HS2ST1: variants seen among roughly 807,000 people sequenced by gnomAD.
HS2ST1 encodes heparan sulfate 2-O-sulfotransferase 1.
In HS2ST1, 18 loss-of-function variants were observed where a neutral mutation model predicts 42.9. The observed-to-expected ratio is 0.42, with a 90% CI of 0.29 to 0.62. The LOEUF (loss-of-function observed/expected upper bound fraction) is 0.62. Among genes scored for constraint, HS2ST1 ranks in the 20% least tolerant of loss-of-function variants. The pLI is 0.21. For synonymous variants in HS2ST1, 146 were observed against 152.9 expected (o/e 0.95, Z 0.33); for missense variants, 334 against 433.8 (o/e 0.77, Z 2.04).
At chr1:86,968,881 TTC>T (rs1285123812) in intron 1 of HS2ST1, among the ~76,000 whole-genome samples, 1 of 152,254 alleles carries the variant, frequency 6.6e-6, no homozygotes, top group South Asian at 2.1e-4. Context: ...ACTAATTTTA[TTC>T]TCTCATATTT....
intron 1 of HS2ST1, among the ~76,000 whole-genome samples, chr1:86,922,250 A>T (rs1214934629): frequency 6.6e-6 from 1 of 151,310 alleles, no homozygotes; most frequent in Non-Finnish European, 1.5e-5. Flanking sequence ...TTAATATATT[A>T]CCACTTTTTT....
intron 1 of HS2ST1, among the ~76,000 whole-genome samples, chr1:86,930,104 T>C (rs952199347): frequency 2.9e-5 from 4 of 138,954 alleles, no homozygotes; most frequent in Non-Finnish European, 6.2e-5. Context: ...TTTTATCATA[T>C]ATATTGCTGC....
At chr1:86,918,370 T>C (rs1193197014) in intron 1 of HS2ST1, among the ~76,000 whole-genome samples, 2 of 152,192 alleles carry the variant, frequency 1.3e-5, no homozygotes, top group Non-Finnish European at 2.9e-5. Flanking sequence ...TTACTCATTC[T>C]ATTAATAATA....
In HS2ST1 at chr1:87,016,150, C is replaced by T. The variant is rs138013574; in HGVS notation, c.125-56784C>T. Among the ~76,000 whole-genome samples the T allele has an allele frequency of 5.1e-3, 771 of 152,212 alleles. 3 individuals carry two copies. Among genetic ancestry groups the T allele is most frequent in the Non-Finnish European group, 8.7e-3 (594 of 68,006 alleles). On this transcript the variant is annotated intron_variant, in intron 1 of 6. Coordinates refer to ENST00000370550, the MANE Select transcript of HS2ST1 (RefSeq NM_012262.4). ...TTCTTAATGAGAATGAAGGGGTTTT[C>T]GTGTTGTTGTGTGTTTGCTTGTTTG...
At chr1:87,010,080 C>T (rs1255446988) in intron 1 of HS2ST1, among the ~76,000 whole-genome samples, 1 of 151,748 alleles carries the variant, frequency 6.6e-6, no homozygotes. Flanking sequence ...AAACAAACTT[C>T]TGCTAGAAAC....
intron 1 of HS2ST1, chr1:87,044,912 G>A (rs1650608930): frequency 6.7e-7 from 1 of 1,496,448 alleles, no homozygotes; most frequent in Non-Finnish European, 9.0e-7. Context: ...AGAGGGCTCT[G>A]TTTAGAGGCA....
At chr1:86,926,363 T>C (rs984653399) in intron 1 of HS2ST1, among the ~76,000 whole-genome samples, 1 of 152,212 alleles carries the variant, frequency 6.6e-6, no homozygotes, top group Non-Finnish European at 1.5e-5. Context: ...TCAGCCGCCT[T>C]GTCTTTCCTA....
intron 1 of HS2ST1, among the ~76,000 whole-genome samples, chr1:86,942,837 G>T (rs1481018472): frequency 6.6e-6 from 1 of 152,094 alleles, no homozygotes; most frequent in Non-Finnish European, 1.5e-5. Flanking sequence ...CCCCAAATTA[G>T]CTTTGTGTCT....
chr1:87,032,409 A>C (rs1267391712), intron 1 of HS2ST1, among the ~76,000 whole-genome samples: 5 of 152,150 alleles, frequency 3.3e-5, no homozygotes, highest in Admixed American at 2.6e-4. Context: ...TTAAAGGACG[A>C]AAAAGAGACC....
chr1:87,011,983 G>A (rs548443326), intron 1 of HS2ST1, among the ~76,000 whole-genome samples: 6 of 152,300 alleles, frequency 3.9e-5, no homozygotes, highest in African/African-American at 1.2e-4. Flanking sequence ...GCATAGTAAC[G>A]TAATTATCAA....
At chr1:86,939,996 G>A (rs1300691429) in intron 1 of HS2ST1, among the ~76,000 whole-genome samples, 1 of 152,138 alleles carries the variant, frequency 6.6e-6, no homozygotes, top group Non-Finnish European at 1.5e-5. Context: ...ACTATTTACT[G>A]TTAGCAATAT....
At chr1:86,990,627 T>TA (rs1329617015) in intron 1 of HS2ST1, among the ~76,000 whole-genome samples, 17 of 151,412 alleles carry the variant, frequency 1.1e-4, no homozygotes, top group Admixed American at 9.9e-4. Context: ...TCAATCCAGA[T>TA]AATTATTGGA....
At position 86,970,104 on chromosome 1, in the gene HS2ST1, A is replaced by G. The variant is rs553253815; in HGVS notation, c.124+54944A>G. On this transcript the variant is annotated intron_variant, in intron 1 of 6. Coordinates refer to ENST00000370550, the MANE Select transcript of HS2ST1 (RefSeq NM_012262.4). Reference sequence around the variant, plus strand: ...CGCGCCATTGCACTCCAGCCTGGGCAACAAGAGTGAAACTCCATCTCAAAA... The same window carrying G: ...CGCGCCATTGCACTCCAGCCTGGGCGACAAGAGTGAAACTCCATCTCAAAA... Among the ~76,000 whole-genome samples, 45 of 151,534 alleles carry G rather than the reference A, an allele frequency of 3.0e-4. No homozygotes were observed. In the South Asian group the frequency reaches 5.5e-3, roughly 18 times the overall value.
chr1:87,075,748 A>C (rs1651524748), intron 2 of HS2ST1, among the ~76,000 whole-genome samples: 1 of 152,088 alleles, frequency 6.6e-6, no homozygotes. Context: ...TAAACTGTTT[A>C]CCTGCTTAAT....
In HS2ST1 at chr1:86,915,020, C is replaced by G; in HGVS notation, c.-17C>G. The G allele has an allele frequency of 1.2e-6, 2 of 1,613,946 alleles. No homozygotes were observed. The highest frequency in any genetic ancestry group is 8.5e-7 in the Non-Finnish European group (1 of 1,179,972). On this transcript the variant is annotated 5_prime_UTR_variant, in exon 1 of 7. It adds an upstream start codon to the 5' untranslated region. Transcript: ENST00000370550. ...CCCGCCCCCCGCGGTATGTCTTGAT[C>G]CCGAGCAGCGGGTTTCATGGGGCTC...
intron 1 of HS2ST1, among the ~76,000 whole-genome samples, chr1:87,034,483 T>G (rs768043984): frequency 2.6e-5 from 4 of 152,228 alleles, no homozygotes; most frequent in Admixed American, 6.5e-5. Context: ...TGTGAGATTT[T>G]ACATAATTCA....
chr1:87,103,620 TTTCTTTGGTTTGG>T, intron 6 of HS2ST1, 31 bp downstream of exon 6: 2 of 1,457,948 alleles, frequency 1.4e-6, no homozygotes, highest in Non-Finnish European at 1.8e-6. Context: ...TTTTTAAAGC[TTTCTTTGGTTTGG>T]TTTTTTGGTT....
At chr1:86,979,900 T>A (rs1276542376) in intron 1 of HS2ST1, among the ~76,000 whole-genome samples, 2 of 152,252 alleles carry the variant, frequency 1.3e-5, no homozygotes, top group Non-Finnish European at 2.9e-5. Flanking sequence ...GTAGCCATCC[T>A]AAAGGTCATG....
At chr1:86,930,460 A>G (rs1460440193) in intron 1 of HS2ST1, among the ~76,000 whole-genome samples, 1 of 151,904 alleles carries the variant, frequency 6.6e-6, no homozygotes, top group Non-Finnish European at 1.5e-5. Flanking sequence ...CTATCCCCAC[A>G]TGAAGCGTAA....
Sources: gnomAD v4.1 joint callset for allele counts (sites outside exome capture counted in the v4.1 genomes callset) on GRCh38, gnomAD v4.1.1 for gene constraint, MANE v1.5 for transcripts, NCBI Gene and HGNC (gene_info 2026-07-23, HGNC 2026-07-21) for gene names.